Variants in AGBL4 observed in about 807,000 individuals in gnomAD.
AGBL4 encodes cytosolic carboxypeptidase 6.
In AGBL4, 58 loss-of-function variants were observed where a neutral mutation model predicts 66.4. That is an observed-to-expected ratio of 0.87 (90% CI 0.71 to 1.09). AGBL4 has a LOEUF of 1.09. Ranked by LOEUF, AGBL4 falls within the 50% of genes least tolerant of loss-of-function variation. The probability of loss-of-function intolerance (pLI) is 0.00; values close to 1 mark genes in which losing one functional copy is unlikely to be tolerated. For synonymous variants in AGBL4, 234 were observed against 222.9 expected (o/e 1.05, Z -0.44); for missense variants, 579 against 631.0 (o/e 0.92, Z 0.88).
chr1:50,004,759 C>A (rs1477748181), intron 1 of AGBL4, among the ~76,000 whole-genome samples: 1 of 152,138 alleles, frequency 6.6e-6, no homozygotes, highest in African/African-American at 2.4e-5. Context: ...CCTGAATAAT[C>A]AGCAACTGTA....
rs376631765 is a variant in AGBL4, at chr1:48,653,326, C to T, written c.839+11G>A. On this transcript the variant is annotated intron_variant, in intron 8 of 13. Coordinates refer to ENST00000371839, the MANE Select transcript of AGBL4 (RefSeq NM_032785.4). ...AGTACTTGCTTCCAAGCATTCTCCC[C>T]AATTCCTTACCTGTAATTGCCCAGG... 1.6e-3 allele frequency: 2,416 copies of T among 1,552,110 alleles called. 7 individuals carry two copies. Among genetic ancestry groups the T allele is most frequent in the Non-Finnish European group, 1.9e-3 (2,122 of 1,143,890 alleles).
At position 49,544,671 on chromosome 1, in the gene AGBL4, A is replaced by G. The variant is rs915047550; in HGVS notation, c.282+152642T>C. On this transcript the variant is annotated intron_variant, in intron 3 of 13. Transcript: ENST00000371839. ...TCATTTTATGTGTATTTCCCCATTT[A>G]TATCTCATCACATCTGATCCCCATT... Among the ~76,000 whole-genome samples the G allele has an allele frequency of 3.9e-5, 6 of 152,324 alleles. No individual in the cohort carries two copies. In the South Asian group the frequency reaches 8.3e-4, roughly 21 times the overall value.
intron 6 of AGBL4, among the ~76,000 whole-genome samples, chr1:48,765,606 T>G (rs1034022677): frequency 6.6e-6 from 1 of 151,812 alleles, no homozygotes; most frequent in African/African-American, 2.4e-5. Flanking sequence ...AAACAAAAAC[T>G]CACACACAAA....
chr1:48,574,997 C>T (rs1036918547), intron 11 of AGBL4, among the ~76,000 whole-genome samples: 1 of 152,160 alleles, frequency 6.6e-6, no homozygotes, highest in African/African-American at 2.4e-5. Context: ...CCATGTCCTA[C>T]ACGTAGTCGA....
chr1:48,643,381 C>T (rs900871034), intron 8 of AGBL4, among the ~76,000 whole-genome samples: 4 of 152,088 alleles, frequency 2.6e-5, no homozygotes, highest in Non-Finnish European at 2.9e-5. Context: ...AGACTGTACC[C>T]TATGTAGGAT....
chr1:48,804,608 C>T (rs1934397), intron 6 of AGBL4, among the ~76,000 whole-genome samples: 7,451 of 152,056 alleles, frequency 0.049, 609 homozygotes, highest in African/African-American at 0.17. Context: ...ATGGTGCATC[C>T]GGTAAGAAAG....
chr1:48,554,647 G>A (rs1489607322), intron 11 of AGBL4, among the ~76,000 whole-genome samples: 1 of 151,118 alleles, frequency 6.6e-6, no homozygotes, highest in Admixed American at 6.6e-5. Context: ...TTTAACTGTT[G>A]TTTTGAACTT....
chr1:49,934,959 T>G (rs924569889), intron 1 of AGBL4, among the ~76,000 whole-genome samples: 8 of 152,150 alleles, frequency 5.3e-5, no homozygotes, highest in African/African-American at 1.9e-4. Flanking sequence ...TTCATCTCAC[T>G]AGGGAGTGCC....
At chr1:49,040,655 T>G (rs1362082432) in intron 5 of AGBL4, among the ~76,000 whole-genome samples, 1 of 152,118 alleles carries the variant, frequency 6.6e-6, no homozygotes, top group Non-Finnish European at 1.5e-5. Flanking sequence ...ATAATATTTT[T>G]GAGGTTCATC....
At chr1:49,560,481 C>A (rs560171917) in intron 3 of AGBL4, among the ~76,000 whole-genome samples, 3 of 151,850 alleles carry the variant, frequency 2.0e-5, no homozygotes, top group South Asian at 2.1e-4. Flanking sequence ...TAGAAAGTAG[C>A]CACAAAAGGG....
intron 5 of AGBL4, among the ~76,000 whole-genome samples, chr1:48,897,166 A>T (rs1651601200): frequency 1.3e-5 from 2 of 151,876 alleles, no homozygotes; most frequent in South Asian, 4.2e-4. Context: ...GGCCTCTGGT[A>T]ACCACCAATG....
chr1:49,104,970 C>G (rs556114408), intron 4 of AGBL4, among the ~76,000 whole-genome samples: 10 of 152,306 alleles, frequency 6.6e-5, no homozygotes, highest in African/African-American at 2.2e-4. Flanking sequence ...GGGCTAACAG[C>G]AATCTGAATT....
At chr1:48,778,181 A>ATCC (rs1645187455) in intron 6 of AGBL4, among the ~76,000 whole-genome samples, 1 of 151,978 alleles carries the variant, frequency 6.6e-6, no homozygotes, top group South Asian at 2.1e-4. Context: ...CCATCCATCC[A>ATCC]ACCATCCATC....
intron 3 of AGBL4, among the ~76,000 whole-genome samples, chr1:49,295,347 T>C (rs1208070438): frequency 6.6e-6 from 1 of 152,148 alleles, no homozygotes; most frequent in African/African-American, 2.4e-5. Flanking sequence ...TCTGGGATCA[T>C]AGAGGAAAGG....
intron 4 of AGBL4, among the ~76,000 whole-genome samples, chr1:49,123,199 C>T (rs569233133): frequency 1.9e-4 from 29 of 152,082 alleles, no homozygotes; most frequent in Non-Finnish European, 3.5e-4. Context: ...ATTATAGTAT[C>T]GTATTATTTG....
intron 4 of AGBL4, among the ~76,000 whole-genome samples, chr1:49,193,735 A>G (rs897227652): frequency 1.3e-5 from 2 of 151,808 alleles, no homozygotes; most frequent in Non-Finnish European, 2.9e-5. Context: ...GGGTTTCACC[A>G]TGTTAGCCAT....
At chr1:49,377,785 A>G (rs904591864) in intron 3 of AGBL4, among the ~76,000 whole-genome samples, 1 of 152,078 alleles carries the variant, frequency 6.6e-6, no homozygotes, top group East Asian at 1.9e-4. Flanking sequence ...ATCCTGAGCT[A>G]AGATAATTCA....
At chr1:49,628,584 G>T (rs565771151) in intron 3 of AGBL4, among the ~76,000 whole-genome samples, 2 of 152,066 alleles carry the variant, frequency 1.3e-5, no homozygotes, top group Non-Finnish European at 2.9e-5. Flanking sequence ...CCTACCCTGT[G>T]GTGTACTGTG....
intron 3 of AGBL4, among the ~76,000 whole-genome samples, chr1:49,622,628 CAAAAAAAAAAAAAAAA>C (rs71059557): frequency 1.5e-5 from 1 of 65,484 alleles, no homozygotes; most frequent in African/African-American, 6.2e-5. Flanking sequence ...GACTCCGTCT[CAAAAAAAAAAAAAAAA>C]AAAAAAAAAA....
Sources: gnomAD v4.1 joint callset for allele counts (sites outside exome capture counted in the v4.1 genomes callset) on GRCh38, gnomAD v4.1.1 for gene constraint, MANE v1.5 for transcripts, NCBI Gene and HGNC (gene_info 2026-07-23, HGNC 2026-07-21) for gene names.